The following CTSC variants were observed in gnomAD, a reference collection of about 807,000 sequenced individuals.
CTSC encodes the protein dipeptidyl peptidase 1.
Under a neutral mutation model 40.9 loss-of-function variants are expected in CTSC, and 37 were observed. The ratio of observed to expected loss-of-function variants is 0.91; its 90% CI spans 0.70 to 1.19. The LOEUF (loss-of-function observed/expected upper bound fraction) is 1.19. Ranked by LOEUF, CTSC falls within the 50% of genes most tolerant of loss-of-function variation. The probability of loss-of-function intolerance (pLI) is 0.00; values close to 1 mark genes in which losing one functional copy is unlikely to be tolerated. For synonymous variants in CTSC, 232 were observed against 207.4 expected, an observed-to-expected ratio of 1.12 and a Z score of -1.02; for missense variants, 594 against 567.3, an observed-to-expected ratio of 1.05 and a Z score of -0.48.
chr11:88,328,790 G>A (rs1486519369), intron 2 of CTSC, among the ~76,000 whole-genome samples: 1 of 152,030 alleles, frequency 6.6e-6, no homozygotes, highest in Non-Finnish European at 1.5e-5. Flanking sequence ...ACCACACCCG[G>A]CTACTTTTTG....
chr11:88,301,630 G>A (rs1944361929), intron 4 of CTSC, among the ~76,000 whole-genome samples: 1 of 152,118 alleles, frequency 6.6e-6, no homozygotes, highest in African/African-American at 2.4e-5. Context: ...AGATAAAACT[G>A]TTTCATTATA....
Position 88,294,375 on chromosome 11 carries a change from G to A in CTSC, c.1023C>T (p.Tyr341=), listed in dbSNP as rs1944275981. Residue 341 remains tyrosine, a synonymous_variant, in exon 7 of 7, where the codon TAC becomes TAT. Transcript: ENST00000227266. ...CTCCTACATAGTGGTACTCAGAGGA[G>A]TAATAACGAAAGCAGTCTTCCTTCA... ...CKMKEDCFRY[Y]SSEYHYVGGF... 6.2e-7 allele frequency: 1 copy of A among 1,614,166 alleles called. No individual in the cohort carries two copies. Among genetic ancestry groups the A allele is most frequent in the Non-Finnish European group, 8.5e-7 (1 of 1,180,032 alleles).
At chr11:88,325,522 C>A (rs964450749) in intron 2 of CTSC, 8 of 985,330 alleles carry the variant, frequency 8.1e-6, no homozygotes, top group Non-Finnish European at 9.6e-6. Flanking sequence ...CCAAGGAAGT[C>A]TTTAGGCTTG....
chr11:88,297,007 T>A (rs1303064999), intron 5 of CTSC: 3 of 153,406 alleles, frequency 2.0e-5, no homozygotes, highest in African/African-American at 7.2e-5. Flanking sequence ...ATTCATCTAG[T>A]GTACAACCTG....
chr11:88,328,042 G>C, intron 2 of CTSC: 1 of 967,936 alleles, frequency 1.0e-6, no homozygotes, highest in Non-Finnish European at 1.7e-6. Context: ...GCATTAATTT[G>C]CATAAGCCAT....
At chr11:88,306,484 A>G (rs1398787297) in intron 4 of CTSC, among the ~76,000 whole-genome samples, 1 of 151,572 alleles carries the variant, frequency 6.6e-6, no homozygotes, top group Non-Finnish European at 1.5e-5. Context: ...CACAGATACA[A>G]GGAGCTGAAC....
Position 88,293,764 on chromosome 11 carries a change from T to C in CTSC, c.*242A>G. 1.8e-6 allele frequency: 1 copy of C among 555,258 alleles called. No individual in the cohort carries two copies. The highest frequency in any genetic ancestry group is 3.2e-6 in the Non-Finnish European group (1 of 310,462). The allele number at this position is 555,258 out of a possible 1,614,324, so 34.4% of individuals were successfully genotyped here. On this transcript the variant is annotated 3_prime_UTR_variant, in exon 7 of 7. Transcript: ENST00000227266. ...ATTACAAATGATTAAGCAAACTCTA[T>C]TACTTCATAGCTGACCATCTTCCAG...
At chr11:88,308,884 C>G (rs1368507274) in intron 4 of CTSC, among the ~76,000 whole-genome samples, 2 of 152,098 alleles carry the variant, frequency 1.3e-5, no homozygotes, top group Non-Finnish European at 2.9e-5. Context: ...GAGGCTAATC[C>G]ATAGCATGGG....
At chr11:88,324,580 G>T in intron 2 of CTSC, 1 of 983,700 alleles carries the variant, frequency 1.0e-6, no homozygotes, top group Non-Finnish European at 1.2e-6. Flanking sequence ...CATTTTCCAG[G>T]TACCTACAAA....
intron 6 of CTSC, 30 bp downstream of exon 6, chr11:88,296,103 C>T: frequency 6.2e-7 from 1 of 1,612,264 alleles, no homozygotes; most frequent in African/African-American, 1.3e-5. Context: ...GTAAATAGCT[C>T]ATAAATGGTG....
rs151064748 is a variant in CTSC at position 88,320,884 on chromosome 11, T to C, written c.319-8330A>G. ...TATTGGTCATATATCGTGTAATACA[T>C]AGGGAATCAAATGGTTAGTAAGATG... On this transcript the variant is annotated intron_variant, in intron 2 of 6. Transcript: ENST00000227266. 218 of 857,060 alleles carry C rather than the reference T, an allele frequency of 2.5e-4. 3 individuals carry two copies. In the East Asian group the frequency reaches 0.02, roughly 80 times the overall value. 53.1% of individuals were successfully genotyped at this position (857,060 alleles called of 1,614,324 possible).
At chr11:88,323,294 GA>G (rs1285178618) in intron 2 of CTSC, 3 of 152,042 alleles carry the variant, frequency 2.0e-5, no homozygotes, top group Admixed American at 6.6e-5. Flanking sequence ...CTTTTTATGA[GA>G]AACCCACAGA....
intron 5 of CTSC, chr11:88,297,488 A>G (rs1944311472): frequency 2.6e-5 from 4 of 152,212 alleles, no homozygotes; most frequent in Admixed American, 2.6e-4. Context: ...AACCAATGTC[A>G]AAGAAATAAC....
chr11:88,294,046 T>G lies in CTSC; in HGVS notation c.1352A>C (p.Glu451Ala), dbSNP rs773208085. The change falls in exon 7 of 7, where the codon GAG becomes GCG. Residue 451 changes from glutamate to alanine, a missense_variant. By Grantham distance (107) the Glu-to-Ala change is moderately radical. Coordinates refer to ENST00000227266, the MANE Select transcript of CTSC (RefSeq NM_001814.6). ...TGGTGTGGCTGCCACTGCTATGCTCTCAATTGCACACTCATCAGTTCCTCT... is the reference window on the plus strand; with the variant it reads ...TGGTGTGGCTGCCACTGCTATGCTCGCAATTGCACACTCATCAGTTCCTCT... ...IRRGTDECAI[E>A]SIAVAATPIP... is the part of the protein sequence containing the mutation. 1 of 1,614,048 alleles carries G rather than the reference T, an allele frequency of 6.2e-7. No homozygotes were observed. The highest frequency in any genetic ancestry group is 8.5e-7 in the Non-Finnish European group (1 of 1,180,006).
At position 88,294,002 on chromosome 11, in the gene CTSC, T is replaced by C; in HGVS notation, c.*4A>G. ...GATCATTATGAAATACTGGAAGGCATACCCTACAATTTAGGAATTGGTGTG... is the reference window on the plus strand; with the variant it reads ...GATCATTATGAAATACTGGAAGGCACACCCTACAATTTAGGAATTGGTGTG... On this transcript the variant is annotated 3_prime_UTR_variant, in exon 7 of 7. Coordinates refer to ENST00000227266, the MANE Select transcript of CTSC (RefSeq NM_001814.6). The C allele has an allele frequency of 6.2e-7, 1 of 1,613,878 alleles. No individual in the cohort carries two copies. The highest frequency in any genetic ancestry group is 8.5e-7 in the Non-Finnish European group (1 of 1,179,946).
At chr11:88,323,616 T>C (rs1044873154) in intron 2 of CTSC, 5 of 152,030 alleles carry the variant, frequency 3.3e-5, no homozygotes, top group African/African-American at 1.2e-4. Flanking sequence ...AGGATCCCTA[T>C]ACACCAACAA....
intron 2 of CTSC, chr11:88,334,609 C>T (rs555906561): frequency 1.3e-4 from 39 of 293,558 alleles, no homozygotes; most frequent in Non-Finnish European, 2.3e-4. Flanking sequence ...AGATTTAGAA[C>T]AAAGCCAAAT....
intron 2 of CTSC, among the ~76,000 whole-genome samples, chr11:88,327,435 C>G (rs775686351): frequency 1.3e-5 from 2 of 152,054 alleles, no homozygotes; most frequent in Non-Finnish European, 2.9e-5. Context: ...AAGGGTAAGT[C>G]TCTATTAATT....
chr11:88,335,003 G>A lies in CTSC; in HGVS notation c.252C>T (p.Phe84=). Residue 84 remains phenylalanine (F), a synonymous_variant, in exon 2 of 7, where the codon TTC becomes TTT. Coordinates refer to ENST00000227266, the MANE Select transcript of CTSC (RefSeq NM_001814.6). ...AYDDLGNSGH[F]TIIYNQGFEI... The stretch of plus-strand genomic sequence containing the variant: ...CAAAGCCTTGGTTGTAAATGATGGT[G>A]AAATGGCCAGAATTGCCAAGGTCAT... 1 of 1,607,772 alleles carries A rather than the reference G, an allele frequency of 6.2e-7. No homozygotes were observed. The highest frequency in any genetic ancestry group is 2.2e-5 in the East Asian group (1 of 44,776).
Sources: allele counts gnomAD v4.1 joint callset (sites outside exome capture counted in the v4.1 genomes callset), GRCh38; gene constraint gnomAD v4.1.1; transcripts MANE v1.5; gene names NCBI Gene and HGNC (gene_info 2026-07-23, HGNC 2026-07-21).